Variants in NOS1 observed in about 807,000 individuals in gnomAD.
NOS1 encodes the protein nitric oxide synthase 1.
NOS1 carries 51 observed loss-of-function variants against 164.5 expected under a neutral mutation model. The ratio of observed to expected loss-of-function variants is 0.31; its 90% CI spans 0.25 to 0.39. NOS1 has a LOEUF of 0.39. Among genes scored for constraint, NOS1 ranks in the 10% least tolerant of loss-of-function variants. The pLI is 1.00. For missense variants in NOS1, 1,362 were observed against 1,885.6 expected, an observed-to-expected ratio of 0.72 and a Z score of 5.14; for synonymous variants, 719 against 745.8, an observed-to-expected ratio of 0.96 and a Z score of 0.59.
At chr12:117,359,591 G>A (rs1201347170) in intron 1 of NOS1, among the ~76,000 whole-genome samples, 1 of 152,174 alleles carries the variant, frequency 6.6e-6, no homozygotes, top group African/African-American at 2.4e-5. Context: ...GCGCTCGCCT[G>A]CACCGCACCC....
At chr12:117,285,860 C>T (rs538932836) in intron 6 of NOS1, among the ~76,000 whole-genome samples, 2 of 152,206 alleles carry the variant, frequency 1.3e-5, no homozygotes, top group African/African-American at 4.8e-5. Flanking sequence ...AAGTATAAGC[C>T]CTCCCTTCCA....
intron 1 of NOS1, among the ~76,000 whole-genome samples, chr12:117,358,147 GC>G (rs1876940525): frequency 6.6e-6 from 1 of 152,208 alleles, no homozygotes; most frequent in African/African-American, 2.4e-5. Context: ...AACAGGCACA[GC>G]CAAACCTGTC....
intron 1 of NOS1, among the ~76,000 whole-genome samples, chr12:117,347,317 T>G (rs951601432): frequency 3.6e-4 from 54 of 148,470 alleles, no homozygotes; most frequent in Non-Finnish European, 6.9e-4. Flanking sequence ...AAAAGAAAAA[T>G]AAACAAACAA....
At chr12:117,291,892 G>T (rs574519308) in intron 3 of NOS1, among the ~76,000 whole-genome samples, 1 of 152,202 alleles carries the variant, frequency 6.6e-6, no homozygotes, top group South Asian at 2.1e-4. Flanking sequence ...CTGGGTACAG[G>T]CACACACATG....
intron 1 of NOS1, among the ~76,000 whole-genome samples, chr12:117,359,353 C>T (rs1383802965): frequency 6.6e-6 from 1 of 150,860 alleles, no homozygotes; most frequent in South Asian, 2.1e-4. Flanking sequence ...CCTATTTTAT[C>T]TTCAGTTCTG....
At position 117,263,974 on chromosome 12, in the gene NOS1, G is replaced by T; in HGVS notation, c.2137C>A (p.Pro713Thr). 1 of 1,613,364 alleles carries T rather than the reference G, an allele frequency of 6.2e-7. No homozygotes were observed. The highest frequency in any genetic ancestry group is 8.5e-7 in the Non-Finnish European group (1 of 1,179,458). Reference protein sequence around the residue: ...YRLTPSFEYQPDPWNTHVWKG... With the variant: ...YRLTPSFEYQTDPWNTHVWKG... Reference sequence around the variant, plus strand: ...CAGACATGCGTGTTCCAGGGATCAGGCTGGGAAGAGAAGGAGAGGGCTATG... The same window carrying T: ...CAGACATGCGTGTTCCAGGGATCAGTCTGGGAAGAGAAGGAGAGGGCTATG... Residue 713 changes from proline (P) to threonine (T), a missense_variant and splice_region_variant, in exon 13 of 29, where the codon CCT (proline) becomes ACT (threonine). This residue lies in a region of NOS1 where 737 missense variants were observed against 1,030.3 expected (regional missense o/e 0.72). Coordinates refer to ENST00000317775, the MANE Select transcript of NOS1 (RefSeq NM_000620.5).
chr12:117,283,058 T>TATATA (rs61594331), intron 7 of NOS1, among the ~76,000 whole-genome samples: 936 of 29,640 alleles, frequency 0.032, 4 homozygotes, highest in African/African-American at 0.073. Context: ...ATATATATAT[T>TATATA]TTTTTTTTTT....
At chr12:117,270,338 G>C (rs1216057650) in intron 10 of NOS1, among the ~76,000 whole-genome samples, 1 of 152,040 alleles carries the variant, frequency 6.6e-6, no homozygotes, top group Non-Finnish European at 1.5e-5. Flanking sequence ...GTCGGGGTGG[G>C]AGAGAGGCTC....
intron 16 of NOS1, among the ~76,000 whole-genome samples, chr12:117,255,012 T>C (rs936683298): frequency 6.6e-6 from 1 of 152,040 alleles, no homozygotes; most frequent in East Asian, 1.9e-4. Flanking sequence ...AAATGACGAG[T>C]TAATGGGTGC....
At chr12:117,335,763 A>AGAGAGAGAGAGAGAGAGAGAGAGAGG (rs1566081635) in intron 1 of NOS1, among the ~76,000 whole-genome samples, 12 of 131,384 alleles carry the variant, frequency 9.1e-5, no homozygotes, top group African/African-American at 2.8e-4. Context: ...AGAGAGAGAG[A>AGAGAGAGAGAGAGAGAGAGAGAGAGG]GAGAGAGACA....
At position 117,211,439 on chromosome 12, in the gene NOS1, C is replaced by T; in HGVS notation, c.*3870G>A. ...GCCATGCTCTGTACTGTGGCCAGAACTTTCTTTTCCAAGTATAACTCCAAT... is the reference window on the plus strand; with the variant it reads ...GCCATGCTCTGTACTGTGGCCAGAATTTTCTTTTCCAAGTATAACTCCAAT... On this transcript the variant is annotated 3_prime_UTR_variant, in exon 29 of 29. Transcript: ENST00000317775. 1.0e-6 allele frequency: 1 copy of T among 985,388 alleles called. No homozygotes were observed. The highest frequency in any genetic ancestry group is 1.2e-6 in the Non-Finnish European group (1 of 829,918). The allele number at this position is 985,388 out of a possible 1,614,324, so 61.0% of individuals were successfully genotyped here.
chr12:117,337,106 CTTT>C lies in NOS1; in HGVS notation c.-420-5620_-420-5618del, dbSNP rs36054002. On this transcript the variant is annotated intron_variant, in intron 1 of 28. Coordinates refer to ENST00000317775, the MANE Select transcript of NOS1 (RefSeq NM_000620.5). ...CCACTGTACCCAGCTGCTTTTTACTCTTTTTTTTTTTTTTTTTTTTTTTTTTTG... is the reference window on the plus strand; with the variant it reads ...CCACTGTACCCAGCTGCTTTTTACTCTTTTTTTTTTTTTTTTTTTTTTTTG... Among the ~76,000 whole-genome samples, 480 of 64,180 alleles carry C rather than the reference CTTT, an allele frequency of 7.5e-3. 5 individuals are homozygous for C. The highest frequency in any genetic ancestry group is 0.025 in the African/African-American group (354 of 14,256). The allele number at this position is 64,180 out of a possible 152,430, so 42.1% of individuals were successfully genotyped here. A position where few individuals can be genotyped will look rare whatever the true frequency, so the allele number is the denominator to read the frequency against.
At chr12:117,252,836 G>T (rs1355131228) in intron 17 of NOS1, among the ~76,000 whole-genome samples, 4 of 152,192 alleles carry the variant, frequency 2.6e-5, no homozygotes, top group Admixed American at 2.6e-4. Flanking sequence ...TACGGAGAAG[G>T]CTCAGTTAGC....
rs746543323 is a variant in NOS1, at chr12:117,265,424, GC to G, written c.2027del (p.Gly676AlafsTer64). 1.3e-5 allele frequency: 20 copies of G among 1,591,954 alleles called. No individual in the cohort carries two copies. Among genetic ancestry groups the G allele is most frequent in the South Asian group, 7.0e-5 (6 of 85,196 alleles). ...CGATCCACACCCAGTCGGCAGGGCA[GC>G]CCCCCCGGCAGCGGTACTCATTCTC... The part of the protein sequence containing the change: ...HMENEYRCRG[G>X]CPADWVWIVP... On this transcript the variant is annotated frameshift_variant, in exon 12 of 29. Transcript: ENST00000317775. LOFTEE classifies it high-confidence loss of function.
At chr12:117,283,126 C>G (rs1592986052) in intron 7 of NOS1, among the ~76,000 whole-genome samples, 1 of 149,602 alleles carries the variant, frequency 6.7e-6, no homozygotes, top group Admixed American at 6.7e-5. Context: ...AGTGGTGCAA[C>G]CTCGGCTCAC....
At chr12:117,282,251 C>T (rs1873734294) in intron 7 of NOS1, among the ~76,000 whole-genome samples, 1 of 151,920 alleles carries the variant, frequency 6.6e-6, no homozygotes, top group South Asian at 2.1e-4. Flanking sequence ...AACTTTTTCA[C>T]GATGTAGTTC....
chr12:117,231,053 G>A (rs1245665488), intron 22 of NOS1, among the ~76,000 whole-genome samples: 1 of 152,126 alleles, frequency 6.6e-6, no homozygotes, highest in Admixed American at 6.5e-5. Context: ...TAGGCCGGGT[G>A]CAGTGGCTCA....
chr12:117,278,018 G>A lies in NOS1; in HGVS notation c.1605C>T (p.Asp535=), dbSNP rs761466325. Reference sequence around the variant, plus strand: ...CTGGAGGAATCTGGAAGAGCTCAGGGTCATTGCCGTTGGCCTGAAGCAGGA... The same window carrying A: ...CTGGAGGAATCTGGAAGAGCTCAGGATCATTGCCGTTGGCCTGAAGCAGGA... The part of the protein sequence containing the change: ...LPLLLQANGN[D]PELFQIPPEL... The change falls in exon 9 of 29, where the codon GAC becomes GAT. Residue 535 remains aspartate (D), a synonymous_variant. Transcript: ENST00000317775. 3.1e-6 allele frequency: 5 copies of A among 1,614,118 alleles called. No homozygotes were observed. In the Admixed American group the frequency reaches 8.3e-5, roughly 27 times the overall value.
intron 2 of NOS1, among the ~76,000 whole-genome samples, chr12:117,313,420 C>A (rs1566072147): frequency 6.6e-6 from 1 of 152,076 alleles, no homozygotes; most frequent in Non-Finnish European, 1.5e-5. Context: ...TCTGCCCCTC[C>A]AGTAGCTGGG....
Sources: allele counts gnomAD v4.1 joint callset (sites outside exome capture counted in the v4.1 genomes callset), GRCh38; gene constraint gnomAD v4.1.1; regional missense constraint gnomAD v4.1.1; transcripts MANE v1.5; gene names NCBI Gene and HGNC (gene_info 2026-07-23, HGNC 2026-07-21).